PHACTR3: variants seen among roughly 807,000 people sequenced by gnomAD.
PHACTR3 encodes phosphatase and actin regulator 3.
In PHACTR3, 16 loss-of-function variants were observed where a neutral mutation model predicts 66.8. The observed-to-expected ratio is 0.24, with a 90% CI of 0.16 to 0.36. PHACTR3 has a LOEUF of 0.36. Ranked by LOEUF, PHACTR3 falls within the 10% of genes least tolerant of loss-of-function variation. The pLI is 1.00. For synonymous variants in PHACTR3, 323 were observed against 292.1 expected (o/e 1.11, Z -1.08); for missense variants, 647 against 719.9 (o/e 0.90, Z 1.16).
chr20:59,634,710 G>C (rs1016805074), intron 1 of PHACTR3, among the ~76,000 whole-genome samples: 3 of 152,138 alleles, frequency 2.0e-5, no homozygotes, highest in African/African-American at 7.2e-5. Context: ...TCCTTTCAGA[G>C]GCCTCATTAT....
At chr20:59,715,492 T>C (rs982952143) in intron 1 of PHACTR3, among the ~76,000 whole-genome samples, 3 of 152,248 alleles carry the variant, frequency 2.0e-5, no homozygotes, top group East Asian at 3.8e-4. Flanking sequence ...TTTCCATGTT[T>C]TGTCTTTCTG....
chr20:59,626,143 TCGTCAGCCA>T (rs2034437954), intron 1 of PHACTR3, among the ~76,000 whole-genome samples: 1 of 152,180 alleles, frequency 6.6e-6, no homozygotes, highest in African/African-American at 2.4e-5. Flanking sequence ...GAATTCATGG[TCGTCAGCCA>T]TTCAACAAAT....
At chr20:59,742,097 T>A (rs1214067554) in intron 1 of PHACTR3, among the ~76,000 whole-genome samples, 6 of 152,204 alleles carry the variant, frequency 3.9e-5, no homozygotes, top group African/African-American at 1.4e-4. Context: ...CCCACAGACA[T>A]TTTCTCTCCA....
At chr20:59,777,388 G>C (rs569282126) in intron 7 of PHACTR3, among the ~76,000 whole-genome samples, 5 of 152,008 alleles carry the variant, frequency 3.3e-5, no homozygotes, top group Admixed American at 6.5e-5. Context: ...TGGTTAACTC[G>C]TTCCTCTTCT....
upstream of PHACTR3, among the ~76,000 whole-genome samples, chr20:59,602,965 T>C (rs2033522794): frequency 6.6e-6 from 1 of 152,146 alleles, no homozygotes; most frequent in African/African-American, 2.4e-5. Flanking sequence ...CCTCTTGAAG[T>C]TGCCTTCATC....
At chr20:59,621,864 A>G (rs1345244412) in intron 1 of PHACTR3, among the ~76,000 whole-genome samples, 1 of 152,078 alleles carries the variant, frequency 6.6e-6, no homozygotes, top group Non-Finnish European at 1.5e-5. Context: ...CCTCTTCCCT[A>G]CCCACTCCCC....
chr20:59,592,872 C>T (rs1186555318), intron 1 of PHACTR3, among the ~76,000 whole-genome samples: 4 of 152,082 alleles, frequency 2.6e-5, no homozygotes, highest in South Asian at 4.1e-4. Context: ...TCTGGATCTA[C>T]CATAGTTTGT....
chr20:59,846,677 A>T (rs2059154650), intron 12 of PHACTR3, among the ~76,000 whole-genome samples: 2 of 152,016 alleles, frequency 1.3e-5, no homozygotes, highest in Non-Finnish European at 2.9e-5. Context: ...AAGACCCTAA[A>T]ATTATTTCAA....
rs184134515 is a variant in PHACTR3 at position 59,814,450 on chromosome 20, G to A, written c.1328+8256G>A. ...TATATGTCCAAAGGGTCCCTATGCC[G>A]TCAGGTGCCTGGGGTTTTTGGCAGT... On this transcript the variant is annotated intron_variant, in intron 8 of 12. Coordinates refer to ENST00000371015, the MANE Select transcript of PHACTR3 (RefSeq NM_080672.5). Among the ~76,000 whole-genome samples the A allele has an allele frequency of 5.9e-5, 9 of 152,290 alleles. No homozygotes were observed. In the East Asian group the frequency reaches 1.2e-3, roughly 20 times the overall value.
At chr20:59,748,784 C>T (rs2039466428) in intron 3 of PHACTR3, among the ~76,000 whole-genome samples, 1 of 152,176 alleles carries the variant, frequency 6.6e-6, no homozygotes, top group Non-Finnish European at 1.5e-5. Context: ...CTGAGGCTTG[C>T]ATGGATATAT....
chr20:59,620,153 T>C (rs1423910432), intron 1 of PHACTR3, among the ~76,000 whole-genome samples: 1 of 152,236 alleles, frequency 6.6e-6, no homozygotes, highest in East Asian at 1.9e-4. Flanking sequence ...TTTTTATGTG[T>C]ATTTCTAATT....
chr20:59,706,489 G>C (rs140969717), intron 1 of PHACTR3, among the ~76,000 whole-genome samples: 125 of 152,218 alleles, frequency 8.2e-4, no homozygotes, highest in African/African-American at 2.8e-3. Flanking sequence ...TAGGTGGTTG[G>C]GCCTGGAGGC....
At chr20:59,652,490 G>A (rs540356065) in intron 1 of PHACTR3, among the ~76,000 whole-genome samples, 3 of 152,302 alleles carry the variant, frequency 2.0e-5, no homozygotes, top group South Asian at 2.1e-4. Flanking sequence ...GTTCAAGGCT[G>A]TAGTGAGGTA....
chr20:59,601,657 A>G (rs543087228), upstream of PHACTR3, among the ~76,000 whole-genome samples: 78 of 152,296 alleles, frequency 5.1e-4, no homozygotes, highest in African/African-American at 1.8e-3. Context: ...CCGGCAGGCA[A>G]TTTACCCGGA....
At chr20:59,750,602 T>A (rs2039543091) in intron 3 of PHACTR3, among the ~76,000 whole-genome samples, 1 of 152,058 alleles carries the variant, frequency 6.6e-6, no homozygotes, top group Non-Finnish European at 1.5e-5. Flanking sequence ...CCTCCCGTCT[T>A]CCCTGCCCAC....
intron 9 of PHACTR3, 38 bp from the exon 10 acceptor site, chr20:59,840,325 GTTTCTC>G: frequency 6.3e-7 from 1 of 1,595,162 alleles, no homozygotes; most frequent in Non-Finnish European, 8.5e-7. Context: ...GTTTCAACCT[GTTTCTC>G]TTTGTTATTT....
chr20:59,816,076 T>C (rs540297942), intron 8 of PHACTR3, among the ~76,000 whole-genome samples: 5 of 152,120 alleles, frequency 3.3e-5, no homozygotes, highest in Admixed American at 1.3e-4. Context: ...CTCACTGTAA[T>C]ATAGAATCAG....
intron 1 of PHACTR3, among the ~76,000 whole-genome samples, chr20:59,656,625 A>C (rs2146463914): frequency 6.6e-6 from 1 of 152,090 alleles, no homozygotes; most frequent in South Asian, 2.1e-4. Flanking sequence ...TGTCTAATCC[A>C]TTCACATTTA....
intron 1 of PHACTR3, among the ~76,000 whole-genome samples, chr20:59,674,986 C>G (rs1241456024): frequency 2.2e-5 from 1 of 44,958 alleles, no homozygotes; most frequent in Non-Finnish European, 4.2e-5. Context: ...CTGTTCCCCC[C>G]TCTCCTGTTC....
Sources: gnomAD v4.1 joint callset for allele counts (sites outside exome capture counted in the v4.1 genomes callset) on GRCh38, gnomAD v4.1.1 for gene constraint, MANE v1.5 for transcripts, NCBI Gene and HGNC (gene_info 2026-07-23, HGNC 2026-07-21) for gene names.